TPO: variants seen among roughly 807,000 people sequenced by gnomAD.
TPO encodes thyroid microsomal antigen.
A neutral mutation model predicts 96.9 loss-of-function variants in TPO; 78 were observed. The observed-to-expected ratio is 0.81, with a 90% CI of 0.67 to 0.97. TPO has a LOEUF of 0.97. Among genes scored for constraint, TPO ranks in the 50% least tolerant of loss-of-function variants. TPO has a pLI of 0.00. For synonymous variants in TPO, 547 were observed against 538.0 expected (o/e 1.02, Z -0.23); for missense variants, 1,252 against 1,274.8 (o/e 0.98, Z 0.27).
intron 7 of TPO, among the ~76,000 whole-genome samples, chr2:1,476,537 G>C (rs1669948446): frequency 6.6e-6 from 1 of 152,220 alleles, no homozygotes; most frequent in Admixed American, 6.5e-5. Flanking sequence ...CTCGGAGACT[G>C]TTTACTCATT....
At position 1,542,924 on chromosome 2, in the gene TPO, T is replaced by G; in HGVS notation, c.*450T>G. On this transcript the variant is annotated 3_prime_UTR_variant, in exon 17 of 17. Coordinates refer to ENST00000329066, the MANE Select transcript of TPO (RefSeq NM_001206744.2). ...TTCCCTCTTCTCCTGGGAAGAGCAC[T>G]CCTGGCTTCCTGCAGGGCCGGTGGG... The G allele has an allele frequency of 7.6e-6, 2 of 263,448 alleles. No homozygotes were observed. The highest frequency in any genetic ancestry group is 1.5e-5 in the Non-Finnish European group (2 of 135,110). The allele number at this position is 263,448 out of a possible 1,614,324, so 16.3% of individuals were successfully genotyped here. A position where few individuals can be genotyped will look rare whatever the true frequency, so the allele number is the denominator to read the frequency against.
rs1412288051 is a variant in TPO, at chr2:1,388,597, C to T, written n.180+14195C>T. 2.0e-5 allele frequency among the ~76,000 whole-genome samples: 3 copies of T among 152,194 alleles called. No homozygotes were observed. In the East Asian group the frequency reaches 5.8e-4, roughly 29 times the overall value. ...TGGTGGGAGTGACCCGATTTTCCAG[C>T]TGCCGTCTGTCACAGCTTTGCTTGG... On this transcript the variant is annotated intron_variant and non_coding_transcript_variant, in intron 1 of 5. Coordinates refer to the TPO transcript ENST00000497517.
intron 3 of TPO, among the ~76,000 whole-genome samples, chr2:1,426,400 T>C (rs1664396346): frequency 6.6e-6 from 1 of 152,154 alleles, no homozygotes; most frequent in African/African-American, 2.4e-5. Context: ...GATACAGAGA[T>C]GAGTTTGATC....
At chr2:1,484,333 G>A (rs770780327) in intron 8 of TPO, among the ~76,000 whole-genome samples, 5 of 152,192 alleles carry the variant, frequency 3.3e-5, no homozygotes, top group Non-Finnish European at 2.9e-5. Flanking sequence ...GCTCGACAGA[G>A]GTGCTGTCTC....
intron 15 of TPO, among the ~76,000 whole-genome samples, chr2:1,518,923 T>TA (rs1174006597): frequency 6.6e-6 from 1 of 152,178 alleles, no homozygotes; most frequent in East Asian, 1.9e-4. Flanking sequence ...TGTAATTAGT[T>TA]AAAATGAGAC....
At chr2:1,421,326 C>T (rs1393116566) in intron 2 of TPO, among the ~76,000 whole-genome samples, 1 of 152,226 alleles carries the variant, frequency 6.6e-6, no homozygotes, top group Non-Finnish European at 1.5e-5. Context: ...CTTCAGAGCA[C>T]ACTTGCGAGG....
chr2:1,385,071 C>T (rs2148349108), intron 1 of TPO, among the ~76,000 whole-genome samples: 1 of 151,802 alleles, frequency 6.6e-6, no homozygotes, highest in East Asian at 1.9e-4. Context: ...CCCATTTGAT[C>T]ATGGATAAGC....
At chr2:1,533,490 A>G (rs1444898095) in intron 15 of TPO, among the ~76,000 whole-genome samples, 2 of 12,878 alleles carry the variant, frequency 1.6e-4, no homozygotes, top group African/African-American at 7.4e-4. Context: ...ACTGTTTGGA[A>G]CCTCCTCAAA....
chr2:1,399,323 T>A (rs1397101896), intron 1 of TPO, among the ~76,000 whole-genome samples: 1 of 152,208 alleles, frequency 6.6e-6, no homozygotes, highest in Non-Finnish European at 1.5e-5. Context: ...GGCTTCCAAC[T>A]CTGGCCTTTC....
At chr2:1,468,294 T>A (rs1275511227) in intron 7 of TPO, among the ~76,000 whole-genome samples, 1 of 152,156 alleles carries the variant, frequency 6.6e-6, no homozygotes, top group Non-Finnish European at 1.5e-5. Context: ...TTTTGTTGTA[T>A]AGGTCCTGTG....
intron 14 of TPO, among the ~76,000 whole-genome samples, chr2:1,508,248 G>C (rs1673691355): frequency 6.6e-6 from 1 of 152,086 alleles, no homozygotes; most frequent in African/African-American, 2.4e-5. Context: ...CTTGATCATG[G>C]TGGATAAGCT....
upstream of TPO, among the ~76,000 whole-genome samples, chr2:1,411,792 CT>C (rs994726604): frequency 6.6e-6 from 1 of 152,208 alleles, no homozygotes; most frequent in Non-Finnish European, 1.5e-5. Flanking sequence ...TCCCCTCAGA[CT>C]TTCCCACCTT....
At chr2:1,378,887 C>T (rs1356980688) in intron 1 of TPO, among the ~76,000 whole-genome samples, 2 of 150,504 alleles carry the variant, frequency 1.3e-5, no homozygotes, top group Admixed American at 6.6e-5. Flanking sequence ...GGAAACTAGG[C>T]GGAAGTTGTT....
chr2:1,480,417 C>G (rs1392491732), intron 8 of TPO, among the ~76,000 whole-genome samples: 2 of 152,116 alleles, frequency 1.3e-5, no homozygotes, highest in Non-Finnish European at 2.9e-5. Flanking sequence ...TTTTCTCTCC[C>G]TGGTTCTACC....
Position 1,535,848 on chromosome 2 carries a change from C to A in TPO, c.2619-4746C>A, listed in dbSNP as rs181928328. Among the ~76,000 whole-genome samples, 411 of 79,284 alleles carry A rather than the reference C, an allele frequency of 5.2e-3. 45 individuals carry two copies. The highest frequency in any genetic ancestry group is 0.027 in the African/African-American group (396 of 14,444). 52.0% of individuals were successfully genotyped at this position (79,284 alleles called of 152,430 possible). On this transcript the variant is annotated intron_variant, in intron 15 of 16. Transcript: ENST00000329066. ...GCTCAAATCCCCAAACTGTGTGCAA[C>A]CTCCCCGAATCCCCCCAACTTTGTG...
At chr2:1,494,652 C>T (rs984197119) in intron 11 of TPO, among the ~76,000 whole-genome samples, 11 of 152,194 alleles carry the variant, frequency 7.2e-5, no homozygotes, top group African/African-American at 2.7e-4. Flanking sequence ...TGCATGCCCC[C>T]CGTAGAAGCA....
intron 6 of TPO, 49 bp downstream of exon 6, chr2:1,453,872 T>C (rs1236822979): frequency 6.2e-7 from 1 of 1,612,984 alleles, no homozygotes; most frequent in Non-Finnish European, 8.5e-7. Flanking sequence ...GGTCCTGTGA[T>C]GCTGAGGGAG....
At chr2:1,525,285 CTG>C (rs765295789) in intron 15 of TPO, among the ~76,000 whole-genome samples, 33 of 137,564 alleles carry the variant, frequency 2.4e-4, no homozygotes, top group Non-Finnish European at 4.7e-4. Flanking sequence ...ATCCCCTACT[CTG>C]TGGAACCTCC....
intron 14 of TPO, among the ~76,000 whole-genome samples, chr2:1,505,280 C>T (rs1008151412): frequency 3.1e-4 from 46 of 147,864 alleles, no homozygotes; most frequent in African/African-American, 1.1e-3. Context: ...CTGTGTCAGG[C>T]GCACCCCACT....
Sources: allele counts gnomAD v4.1 joint callset (sites outside exome capture counted in the v4.1 genomes callset), GRCh38; gene constraint gnomAD v4.1.1; transcripts MANE v1.5; gene names NCBI Gene and HGNC (gene_info 2026-07-23, HGNC 2026-07-21).